The following NLGN1 variants were observed in gnomAD, a reference collection of about 807,000 sequenced individuals.
NLGN1 encodes the protein neuroligin-1.
In NLGN1, 12 loss-of-function variants were observed where a neutral mutation model predicts 65.5. The ratio of observed to expected loss-of-function variants is 0.18; its 90% confidence interval spans 0.12 to 0.30. The LOEUF (loss-of-function observed/expected upper bound fraction) is 0.30, where lower values mean the gene tolerates loss of function less well. Among genes scored for constraint, NLGN1 ranks in the 10% least tolerant of loss-of-function variants. The pLI is 1.00. For synonymous variants in NLGN1, 350 were observed against 359.5 expected (o/e 0.97, Z 0.30); for missense variants, 750 against 1,007.1 (o/e 0.74, Z 3.46).
At chr3:174,212,358 C>T (rs1316006987) in intron 4 of NLGN1, among the ~76,000 whole-genome samples, 2 of 152,222 alleles carry the variant, frequency 1.3e-5, no homozygotes, top group Non-Finnish European at 2.9e-5. Context: ...CCTCTCCCTC[C>T]ACACCTCCCC....
At chr3:173,654,781 A>T (rs955346804) in intron 3 of NLGN1, among the ~76,000 whole-genome samples, 17 of 152,170 alleles carry the variant, frequency 1.1e-4, no homozygotes, top group African/African-American at 4.1e-4. Context: ...CTGCAAGAGG[A>T]TTCTTCAGGC....
chr3:174,204,546 T>G lies in NLGN1; in HGVS notation c.647-70769T>G, dbSNP rs930917043. ...CTGTTGGTATTTGCTCCACTAAACA[T>G]AGGGTTGGGGTTTTTTGATAATAAA... On this transcript the variant is annotated intron_variant, in intron 4 of 6. Transcript: ENST00000457714. 1.3e-5 allele frequency among the ~76,000 whole-genome samples: 2 copies of G among 152,228 alleles called. 1 individual carries two copies. Among genetic ancestry groups the G allele is most frequent in the Admixed American group, 1.3e-4 (2 of 15,300 alleles).
At position 174,214,243 on chromosome 3, in the gene NLGN1, A is replaced by AT. The variant is rs1030960291; in HGVS notation, c.647-61067dup. ...TGCCCATTATGTTCTCAGAATTTAA[A>AT]TTTTTCCATTATTTTTATTGTTTCT... On this transcript the variant is annotated intron_variant, in intron 4 of 6. Transcript: ENST00000457714. Among the ~76,000 whole-genome samples the AT allele has an allele frequency of 2.0e-4, 30 of 152,168 alleles. 1 individual carries two copies. Among genetic ancestry groups the AT allele is most frequent in the Admixed American group, 1.7e-3 (26 of 15,292 alleles).
intron 3 of NLGN1, among the ~76,000 whole-genome samples, chr3:173,769,460 A>C (rs192135365): frequency 6.6e-6 from 1 of 152,294 alleles, no homozygotes; most frequent in East Asian, 1.9e-4. Flanking sequence ...ACTCTTTCTC[A>C]TAGCCGATTT....
At chr3:173,446,222 C>A (rs113083918) in intron 2 of NLGN1, among the ~76,000 whole-genome samples, 2 of 52,496 alleles carry the variant, frequency 3.8e-5, no homozygotes, top group African/African-American at 1.1e-4. Context: ...CCCCTACCCC[C>A]ACCCCACAAC....
intron 2 of NLGN1, among the ~76,000 whole-genome samples, chr3:173,520,346 A>G (rs1428612613): frequency 2.0e-5 from 3 of 152,180 alleles, no homozygotes; most frequent in Non-Finnish European, 4.4e-5. Flanking sequence ...TAGATGCAAA[A>G]TTTTGTTGAG....
At chr3:173,905,213 A>G (rs750570255) in intron 4 of NLGN1, among the ~76,000 whole-genome samples, 3 of 152,146 alleles carry the variant, frequency 2.0e-5, no homozygotes, top group Non-Finnish European at 4.4e-5. Context: ...CACAGATTCC[A>G]ACTTCTGTTA....
chr3:173,597,281 CAG>C (rs1384952861), intron 2 of NLGN1, among the ~76,000 whole-genome samples: 1 of 152,146 alleles, frequency 6.6e-6, no homozygotes, highest in East Asian at 1.9e-4. Context: ...TTGTGGCCTT[CAG>C]AGAGTTATCT....
chr3:173,993,618 C>A, intron 4 of NLGN1, among the ~76,000 whole-genome samples: 1 of 150,108 alleles, frequency 6.7e-6, no homozygotes, highest in East Asian at 2.0e-4. Context: ...TGGCCTTATT[C>A]AAAACAGAAT....
At chr3:173,660,874 C>A (rs146039471) in intron 3 of NLGN1, among the ~76,000 whole-genome samples, 31 of 152,042 alleles carry the variant, frequency 2.0e-4, no homozygotes, top group African/African-American at 7.0e-4. Context: ...CCATGGTGTG[C>A]TGAAAAGAAG....
chr3:174,167,001 A>T (rs1727618799), intron 4 of NLGN1, among the ~76,000 whole-genome samples: 1 of 151,536 alleles, frequency 6.6e-6, no homozygotes. Context: ...AAGAATTGCA[A>T]CCCCTACTCT....
At chr3:173,978,905 T>C (rs902458140) in intron 4 of NLGN1, among the ~76,000 whole-genome samples, 3 of 150,244 alleles carry the variant, frequency 2.0e-5, no homozygotes, top group African/African-American at 7.4e-5. Context: ...ATCAGGAGGC[T>C]GAGGCACAAG....
chr3:173,906,774 C>CT, intron 4 of NLGN1, among the ~76,000 whole-genome samples: 1 of 151,182 alleles, frequency 6.6e-6, no homozygotes, highest in Non-Finnish European at 1.5e-5. Flanking sequence ...TCACTTGAGC[C>CT]TGAGTTCCAG....
intron 4 of NLGN1, among the ~76,000 whole-genome samples, chr3:174,125,712 A>C (rs1342322425): frequency 6.6e-6 from 1 of 152,080 alleles, no homozygotes; most frequent in Non-Finnish European, 1.5e-5. Flanking sequence ...TATACAGAGA[A>C]AGTATACGGT....
intron 4 of NLGN1, among the ~76,000 whole-genome samples, chr3:173,991,314 T>C (rs2152412143): frequency 2.0e-5 from 3 of 152,260 alleles, no homozygotes; most frequent in Admixed American, 2.0e-4. Context: ...AAACATATTA[T>C]CTATATGACT....
intron 4 of NLGN1, among the ~76,000 whole-genome samples, chr3:174,044,259 T>C (rs1733028137): frequency 6.6e-6 from 1 of 152,194 alleles, no homozygotes; most frequent in Non-Finnish European, 1.5e-5. Context: ...CGGAGACATT[T>C]TAACCATGGT....
At chr3:173,812,626 G>A (rs1370495500) in intron 4 of NLGN1, among the ~76,000 whole-genome samples, 1 of 151,722 alleles carries the variant, frequency 6.6e-6, no homozygotes, top group Non-Finnish European at 1.5e-5. Flanking sequence ...GGCTACCCAG[G>A]AGGCTGAGGC....
Position 173,747,801 on chromosome 3 carries a change from C to CTTTTTTTTTTT in NLGN1, c.494-59859_494-59849dup, listed in dbSNP as rs749749824. ...AATTTTCTTTCTTCTTCTTCTTGTT[C>CTTTTTTTTTTT]TTTTTTTTTTTTTTTTTTTTTTTTT... On this transcript the variant is annotated intron_variant, in intron 3 of 6. Coordinates refer to ENST00000457714, the Ensembl canonical transcript of NLGN1. Among the ~76,000 whole-genome samples the CTTTTTTTTTTT allele has an allele frequency of 3.0e-3, 192 of 64,404 alleles. 35 individuals carry two copies. The highest frequency in any genetic ancestry group is 7.8e-3 in the African/African-American group (126 of 16,098). The allele number at this position is 64,404 out of a possible 152,430, so 42.3% of individuals were successfully genotyped here. A position where few individuals can be genotyped will look rare whatever the true frequency, so the allele number is the denominator to read the frequency against.
At chr3:173,958,708 G>T (rs1479848078) in intron 4 of NLGN1, among the ~76,000 whole-genome samples, 2 of 152,136 alleles carry the variant, frequency 1.3e-5, no homozygotes, top group Non-Finnish European at 2.9e-5. Flanking sequence ...TGAAGGTAGG[G>T]CTTCACTAGG....
Sources: gnomAD v4.1 joint callset for allele counts (sites outside exome capture counted in the v4.1 genomes callset) on GRCh38, gnomAD v4.1.1 for gene constraint, MANE v1.5 for transcripts, NCBI Gene and HGNC (gene_info 2026-07-23, HGNC 2026-07-21) for gene names.